Variants in SIN3A observed in about 807,000 individuals in gnomAD.
The protein encoded by SIN3A is paired amphipathic helix protein Sin3a.
A neutral mutation model predicts 146.1 loss-of-function variants in SIN3A; 14 were observed. The observed-to-expected ratio is 0.10, with a 90% CI of 0.06 to 0.15. The LOEUF (loss-of-function observed/expected upper bound fraction) is 0.15. SIN3A is among the 10% of genes least tolerant of loss of function. The pLI is 1.00. For missense variants in SIN3A, 1,028 were observed against 1,576.0 expected (o/e 0.65, Z 5.89); for synonymous variants, 572 against 572.0 (o/e 1.00, Z 0.00).
chr15:75,446,884 G>A (rs2074317748), intron 1 of SIN3A, among the ~76,000 whole-genome samples: 1 of 151,974 alleles, frequency 6.6e-6, no homozygotes, highest in Non-Finnish European at 1.5e-5. Context: ...CCATTCTCCT[G>A]CCTCAACCTC....
In SIN3A at chr15:75,399,052, T is replaced by A. The variant is rs569059975; in HGVS notation, c.1854+988A>T. ...AAAGTTTAAAAAAAAAAAAAAAAAA[T>A]TTACCCAGGCATGGTAGCACATGCC... On this transcript the variant is annotated intron_variant, in intron 12 of 20. Transcript: ENST00000394947. Among the ~76,000 whole-genome samples the A allele has an allele frequency of 4.5e-4, 68 of 150,046 alleles. No homozygotes were observed. The East Asian group carries it at 0.012, about 26-fold the overall frequency.
At chr15:75,430,016 A>G in intron 2 of SIN3A, 171 bp downstream of exon 2, 1 of 606,010 alleles carries the variant, frequency 1.7e-6, no homozygotes, top group Non-Finnish European at 2.9e-6. Context: ...AGGTCATGAC[A>G]ACATTCTTTT....
At chr15:75,399,345 G>A (rs556373658) in intron 12 of SIN3A, among the ~76,000 whole-genome samples, 15 of 152,208 alleles carry the variant, frequency 9.9e-5, no homozygotes, top group African/African-American at 3.6e-4. Flanking sequence ...TGGCTAACAC[G>A]GTGAAACTCC....
intron 6 of SIN3A, among the ~76,000 whole-genome samples, chr15:75,410,598 G>A (rs1164109918): frequency 6.6e-6 from 1 of 151,314 alleles, no homozygotes; most frequent in Non-Finnish European, 1.5e-5. Context: ...CACCATGCCC[G>A]GCCTAGGGCA....
At chr15:75,441,338 G>A (rs1170871708) in intron 1 of SIN3A, among the ~76,000 whole-genome samples, 3 of 151,928 alleles carry the variant, frequency 2.0e-5, no homozygotes, top group Non-Finnish European at 2.9e-5. Flanking sequence ...AAAAAACAGG[G>A]TCTTGCTCTA....
At chr15:75,407,841 C>T (rs904137536) in intron 8 of SIN3A, among the ~76,000 whole-genome samples, 11 of 130,312 alleles carry the variant, frequency 8.4e-5, no homozygotes, top group Admixed American at 9.5e-5. Flanking sequence ...TGCAGTGAGC[C>T]GAGATCACGC....
rs1160287937 is a variant in SIN3A, at chr15:75,371,796, T to C, written c.*183A>G. On this transcript the variant is annotated 3_prime_UTR_variant, in exon 21 of 21. Transcript: ENST00000394947. ...CAGCTTCAGCTTTGTAAGGTATTCA[T>C]GTTCCTAACAGGTAGCCCACTTGGT... 1 of 599,998 alleles carries C rather than the reference T, an allele frequency of 1.7e-6. No homozygotes were observed. Among genetic ancestry groups the C allele is most frequent in the Admixed American group, 3.1e-5 (1 of 32,704 alleles). The allele number at this position is 599,998 out of a possible 1,614,324, so 37.2% of individuals were successfully genotyped here.
chr15:75,443,206 A>G (rs1214908314), intron 1 of SIN3A, among the ~76,000 whole-genome samples: 1 of 152,204 alleles, frequency 6.6e-6, no homozygotes. Flanking sequence ...TTCATCTACT[A>G]GTTCCTCTGA....
rs571493430 is a variant in SIN3A at position 75,370,449 on chromosome 15, T to C, written c.*1530A>G. ...GTACTGGGAGGGGCTCAGTTGGTCTTTGTTCAGAAAGTCCAGGTTAACCAC... is the reference window on the plus strand; with the variant it reads ...GTACTGGGAGGGGCTCAGTTGGTCTCTGTTCAGAAAGTCCAGGTTAACCAC... On this transcript the variant is annotated 3_prime_UTR_variant, in exon 21 of 21. Coordinates refer to ENST00000394947, the MANE Select transcript of SIN3A (RefSeq NM_001145358.2). 6.6e-6 allele frequency: 1 copy of C among 152,362 alleles called. No individual in the cohort carries two copies. Among genetic ancestry groups the C allele is most frequent in the South Asian group, 2.1e-4 (1 of 4,828 alleles). The allele number at this position is 152,362 out of a possible 1,614,324, so 9.4% of individuals were successfully genotyped here. A position where few individuals can be genotyped will look rare whatever the true frequency, so the allele number is the denominator to read the frequency against.
intron 1 of SIN3A, among the ~76,000 whole-genome samples, chr15:75,431,374 G>A (rs1195694322): frequency 6.6e-6 from 1 of 152,064 alleles, no homozygotes; most frequent in Non-Finnish European, 1.5e-5. Context: ...TACCTCCGTG[G>A]GAGACAATTT....
At chr15:75,454,657 AC>A (rs2074462708), upstream of SIN3A, among the ~76,000 whole-genome samples, 1 of 147,478 alleles carries the variant, frequency 6.8e-6, no homozygotes, top group African/African-American at 2.5e-5. Context: ...CTTTCAGGCC[AC>A]CCCCTCGTGG....
At chr15:75,390,529 G>C (rs987063058) in intron 15 of SIN3A, among the ~76,000 whole-genome samples, 2 of 152,144 alleles carry the variant, frequency 1.3e-5, no homozygotes, top group African/African-American at 2.4e-5. Context: ...ATTAAAGAGT[G>C]CTGCCTTTAG....
chr15:75,413,134 A>G (rs998053939), intron 4 of SIN3A, 89 bp from the exon 5 acceptor site: 17 of 1,318,524 alleles, frequency 1.3e-5, no homozygotes, highest in African/African-American at 1.5e-5. Flanking sequence ...TTCTTTTGAG[A>G]CGGAGTCTCA....
chr15:75,394,573 GGTCTTAGAGA>G, intron 14 of SIN3A, 97 bp downstream of exon 14: 1 of 809,570 alleles, frequency 1.2e-6, no homozygotes, highest in Non-Finnish European at 1.9e-6. Context: ...AGAATCAACA[GGTCTTAGAGA>G]GTCTCACCTG....
At chr15:75,446,250 A>G (rs1025988687) in intron 1 of SIN3A, 1 of 151,624 alleles carries the variant, frequency 6.6e-6, no homozygotes, top group African/African-American at 2.4e-5. Flanking sequence ...GTAACTTCTG[A>G]GTAAAGGAAG....
intron 1 of SIN3A, among the ~76,000 whole-genome samples, chr15:75,442,248 A>G (rs2074228622): frequency 6.6e-6 from 1 of 151,358 alleles, no homozygotes; most frequent in Non-Finnish European, 1.5e-5. Context: ...AACTGCATCA[A>G]CTAAGTTTTG....
intron 3 of SIN3A, chr15:75,415,904 C>T: frequency 3.9e-6 from 1 of 256,482 alleles, no homozygotes; most frequent in Non-Finnish European, 7.6e-6. Flanking sequence ...AGAGGAGGTA[C>T]CCAAAGGGAA....
upstream of SIN3A, chr15:75,454,061 T>C (rs1009495110): frequency 6.6e-6 from 1 of 151,964 alleles, no homozygotes; most frequent in African/African-American, 2.4e-5. Flanking sequence ...CTCCCAGCTC[T>C]CTCCGCCGGA....
In SIN3A at chr15:75,447,063, A is replaced by C. The variant is rs186984841; in HGVS notation, c.-34+4360T>G. 2.0e-3 allele frequency among the ~76,000 whole-genome samples: 306 copies of C among 152,312 alleles called. 3 individuals are homozygous for C. Among genetic ancestry groups the C allele is most frequent in the Non-Finnish European group, 8.7e-4 (59 of 68,024 alleles). ...ATTACAGGCATGGGCCACCGCGCCC[A>C]GCTCATTACAGACATATCTAAATAA... is the stretch of plus-strand genomic sequence containing the variant. On this transcript the variant is annotated intron_variant, in intron 1 of 20. Coordinates refer to ENST00000394947, the MANE Select transcript of SIN3A (RefSeq NM_001145358.2).
Sources: allele counts gnomAD v4.1 joint callset (sites outside exome capture counted in the v4.1 genomes callset), GRCh38; gene constraint gnomAD v4.1.1; transcripts MANE v1.5; gene names NCBI Gene and HGNC (gene_info 2026-07-23, HGNC 2026-07-21).